The following PREX2 variants were observed in gnomAD, a reference collection of about 807,000 sequenced individuals.
PREX2 encodes the protein phosphatidylinositol 3,4,5-trisphosphate-dependent Rac exchanger 2 protein.
In PREX2, 107 loss-of-function variants were observed where a neutral mutation model predicts 203.2. The observed-to-expected ratio is 0.53, with a 90% CI of 0.45 to 0.62. PREX2 has a LOEUF of 0.62. PREX2 is among the 20% of genes least tolerant of loss of function. The pLI, the probability that PREX2 is intolerant of heterozygous loss-of-function variation, is 0.00. For missense variants in PREX2, 1,777 were observed against 1,955.9 expected (o/e 0.91, Z 1.72); for synonymous variants, 672 against 663.6 (o/e 1.01, Z -0.19).
chr8:68,133,265 A>G (rs1268596752), intron 31 of PREX2, among the ~76,000 whole-genome samples: 1 of 152,072 alleles, frequency 6.6e-6, no homozygotes, highest in African/African-American at 2.4e-5. Context: ...CCATAATCCA[A>G]TCACTTTCCG....
At chr8:68,098,539 G>A (rs1299916933) in intron 22 of PREX2, among the ~76,000 whole-genome samples, 2 of 151,868 alleles carry the variant, frequency 1.3e-5, no homozygotes, top group Admixed American at 1.3e-4. Flanking sequence ...GTATTCATGG[G>A]ATCCATGTAA....
chr8:68,124,920 G>A (rs1488172567), intron 30 of PREX2, among the ~76,000 whole-genome samples: 3 of 150,958 alleles, frequency 2.0e-5, no homozygotes, highest in Non-Finnish European at 4.4e-5. Flanking sequence ...TGTGGGGAGG[G>A]CTCTCTGTAG....
chr8:68,228,777 A>C (rs201417289), intron 39 of PREX2, among the ~76,000 whole-genome samples: 1 of 104,030 alleles, frequency 9.6e-6, no homozygotes, highest in Non-Finnish European at 1.6e-5. Flanking sequence ...AAATAAATAA[A>C]TAAATAAATA....
Position 68,134,055 on chromosome 8 carries a change from A to G in PREX2, c.3767-4A>G, listed in dbSNP as rs778646509. On this transcript the variant is annotated splice_polypyrimidine_tract_variant and splice_region_variant and intron_variant, in intron 31 of 39. Transcript: ENST00000288368. ...AGCATTCTCTATGTTCTCTTTGATC[A>G]CAGATAGTGAGACACAGCTCCGTAG... 2.5e-6 allele frequency: 4 copies of G among 1,612,448 alleles called. No homozygotes were observed. The highest frequency in any genetic ancestry group is 1.3e-5 in the African/African-American group (1 of 75,040).
At chr8:67,977,703 G>A (rs1806148219) in intron 1 of PREX2, among the ~76,000 whole-genome samples, 5 of 152,108 alleles carry the variant, frequency 3.3e-5, no homozygotes. Flanking sequence ...GAAATTGAAG[G>A]TTAAGCTAAT....
intron 11 of PREX2, among the ~76,000 whole-genome samples, chr8:68,066,557 T>G (rs1287250075): frequency 6.6e-6 from 1 of 152,148 alleles, no homozygotes; most frequent in Non-Finnish European, 1.5e-5. Flanking sequence ...CATTTTTAAT[T>G]GGGTTATTTG....
At chr8:68,171,440 G>A (rs1275373298) in intron 35 of PREX2, among the ~76,000 whole-genome samples, 1 of 151,912 alleles carries the variant, frequency 6.6e-6, no homozygotes, top group African/African-American at 2.4e-5. Flanking sequence ...TCGTATGATA[G>A]TGTATCTATG....
At chr8:68,152,379 CA>C (rs1453082206) in intron 34 of PREX2, among the ~76,000 whole-genome samples, 2 of 144,362 alleles carry the variant, frequency 1.4e-5, no homozygotes, top group Non-Finnish European at 3.0e-5. Context: ...AGCTTTTTTA[CA>C]AAAGAAGAAA....
At chr8:68,045,820 C>G (rs1011050888) in intron 8 of PREX2, among the ~76,000 whole-genome samples, 1 of 152,090 alleles carries the variant, frequency 6.6e-6, no homozygotes, top group Non-Finnish European at 1.5e-5. Flanking sequence ...CATGTGGGAC[C>G]TAGTCGGCTA....
intron 30 of PREX2, 123 bp from the exon 31 acceptor site, chr8:68,127,255 C>A: frequency 1.5e-6 from 1 of 670,644 alleles, no homozygotes; most frequent in Non-Finnish European, 2.5e-6. Context: ...AATGGCAAAA[C>A]CACAACTACT....
At chr8:68,218,999 A>G (rs1445828085) in intron 38 of PREX2, among the ~76,000 whole-genome samples, 3 of 152,208 alleles carry the variant, frequency 2.0e-5, no homozygotes, top group African/African-American at 7.2e-5. Context: ...GATCCAGGTA[A>G]ACTTATGATT....
chr8:68,192,277 A>G (rs1017654886), intron 36 of PREX2, 58 bp from the exon 37 acceptor site: 29 of 1,367,512 alleles, frequency 2.1e-5, no homozygotes, highest in Middle Eastern at 3.7e-4. Context: ...ATACCAACCT[A>G]TCTAAAAGAA....
chr8:68,017,671 T>G (rs182405756), intron 1 of PREX2, among the ~76,000 whole-genome samples, 175 bp from the exon 2 acceptor site: 100 of 152,322 alleles, frequency 6.6e-4, no homozygotes, highest in Middle Eastern at 6.8e-3. Flanking sequence ...GAAGTATAAT[T>G]CCCAGAGAGG....
At chr8:68,198,611 T>A (rs895417166) in intron 37 of PREX2, among the ~76,000 whole-genome samples, 1 of 152,222 alleles carries the variant, frequency 6.6e-6, no homozygotes, top group African/African-American at 2.4e-5. Context: ...CAGCAAACGT[T>A]ATAAAGCCCG....
intron 14 of PREX2, among the ~76,000 whole-genome samples, chr8:68,076,008 G>A (rs935540108): frequency 2.0e-5 from 3 of 152,202 alleles, no homozygotes; most frequent in Admixed American, 2.0e-4. Context: ...GTTGCCTACA[G>A]CAAGAGGTAT....
Position 68,152,289 on chromosome 8 carries a change from G to GA in PREX2, c.4232-5012dup, listed in dbSNP as rs573525316. Among the ~76,000 whole-genome samples, 244 of 72,912 alleles carry GA rather than the reference G, an allele frequency of 3.3e-3. 10 individuals are homozygous for GA. The highest frequency in any genetic ancestry group is 4.9e-3 in the Non-Finnish European group (206 of 41,826). 47.8% of individuals were successfully genotyped at this position (72,912 alleles called of 152,430 possible). The stretch of plus-strand genomic sequence containing the variant: ...CGACAGAGCGAGACTCCCTCTCAGA[G>GA]AAAAAAAAAAAAAAAAAAAAAGATA... On this transcript the variant is annotated intron_variant, in intron 34 of 39. Transcript: ENST00000288368.
chr8:68,136,464 T>G (rs1811114639), intron 32 of PREX2, among the ~76,000 whole-genome samples: 1 of 152,140 alleles, frequency 6.6e-6, no homozygotes. Flanking sequence ...TGCCCCTGAG[T>G]GCGAGGCACA....
At chr8:67,957,115 C>G (rs1805512593) in intron 1 of PREX2, among the ~76,000 whole-genome samples, 1 of 152,212 alleles carries the variant, frequency 6.6e-6, no homozygotes, top group Admixed American at 6.5e-5. Flanking sequence ...AGAGCCATGC[C>G]TATGATCATC....
At chr8:68,019,400 G>A (rs1430503471) in intron 2 of PREX2, 149 bp from the exon 3 acceptor site, 1 of 574,294 alleles carries the variant, frequency 1.7e-6, no homozygotes, top group African/African-American at 1.9e-5. Context: ...GCGTGAAGGG[G>A]AAGTCCAGAC....
Sources: allele counts gnomAD v4.1 joint callset (sites outside exome capture counted in the v4.1 genomes callset), GRCh38; gene constraint gnomAD v4.1.1; transcripts MANE v1.5; gene names NCBI Gene and HGNC (gene_info 2026-07-23, HGNC 2026-07-21).